Variants in SHANK2 observed in about 807,000 individuals in gnomAD.
The protein encoded by SHANK2 is SH3 and multiple ankyrin repeat domains protein 2.
Under a neutral mutation model 133.7 loss-of-function variants are expected in SHANK2, and 43 were observed. The ratio of observed to expected loss-of-function variants is 0.32; its 90% CI spans 0.25 to 0.41. The LOEUF is 0.41. Ranked by LOEUF, SHANK2 falls within the 10% of genes least tolerant of loss-of-function variation. The probability of loss-of-function intolerance (pLI) is 1.00; values close to 1 mark genes in which losing one functional copy is unlikely to be tolerated. For missense variants in SHANK2, 1,994 were observed against 2,235.8 expected (o/e 0.89, Z 2.18); for synonymous variants, 1,017 against 952.8 (o/e 1.07, Z -1.24).
chr11:70,736,063 T>G (rs1946397817), intron 14 of SHANK2, among the ~76,000 whole-genome samples: 1 of 150,780 alleles, frequency 6.6e-6, no homozygotes, highest in Non-Finnish European at 1.5e-5. Flanking sequence ...ATGGGCAAAC[T>G]AGATCCAAGC....
intron 2 of SHANK2, among the ~76,000 whole-genome samples, chr11:71,167,990 G>T (rs12270805): frequency 1.3e-5 from 1 of 77,334 alleles, no homozygotes; most frequent in Non-Finnish European, 2.7e-5. Flanking sequence ...TTCCCAGACG[G>T]GGTGGCTGCT....
intron 10 of SHANK2, among the ~76,000 whole-genome samples, chr11:70,917,641 T>TGGTACATATA (rs1950287796): frequency 6.6e-6 from 1 of 152,208 alleles, no homozygotes. Context: ...CAAGAAAATG[T>TGGTACATATA]GGTACATATA....
intron 9 of SHANK2, among the ~76,000 whole-genome samples, chr11:71,057,655 T>A (rs1318354015): frequency 6.6e-6 from 1 of 152,028 alleles, no homozygotes; most frequent in Non-Finnish European, 1.5e-5. Context: ...GCTCAGGCAA[T>A]TCTCCCCACC....
intron 11 of SHANK2, among the ~76,000 whole-genome samples, chr11:70,855,993 A>AGATG (rs1555066755): frequency 6.6e-6 from 1 of 152,066 alleles, no homozygotes; most frequent in Non-Finnish European, 1.5e-5. Context: ...ATGAATGGAT[A>AGATG]GATGGATGGA....
intron 3 of SHANK2, among the ~76,000 whole-genome samples, chr11:71,122,299 T>C (rs1384493063): frequency 6.6e-6 from 1 of 152,176 alleles, no homozygotes; most frequent in East Asian, 1.9e-4. Context: ...ATATACACCA[T>C]GGAATACTAT....
intron 13 of SHANK2, among the ~76,000 whole-genome samples, chr11:70,800,232 C>T (rs910392621): frequency 6.6e-6 from 1 of 152,198 alleles, no homozygotes; most frequent in East Asian, 1.9e-4. Flanking sequence ...CACTATGTTG[C>T]CCAGGCTGGT....
intron 17 of SHANK2, among the ~76,000 whole-genome samples, chr11:70,606,262 C>T (rs2060575228): frequency 6.6e-6 from 1 of 152,122 alleles, no homozygotes; most frequent in Non-Finnish European, 1.5e-5. Context: ...CTTTAAAGAT[C>T]CTAGCATGAA....
intron 17 of SHANK2, among the ~76,000 whole-genome samples, chr11:70,638,874 G>A (rs1318682919): frequency 1.3e-5 from 2 of 152,116 alleles, no homozygotes; most frequent in African/African-American, 4.8e-5. Context: ...GCAGGTACCT[G>A]TAATCCCAGC....
intron 2 of SHANK2, among the ~76,000 whole-genome samples, chr11:71,220,316 C>T (rs1954509918): frequency 6.6e-6 from 1 of 152,130 alleles, no homozygotes; most frequent in Non-Finnish European, 1.5e-5. Flanking sequence ...AACCTTTGAG[C>T]CTTGCTGGTG....
At chr11:70,918,313 T>C (rs1555080190) in intron 10 of SHANK2, among the ~76,000 whole-genome samples, 1 of 152,190 alleles carries the variant, frequency 6.6e-6, no homozygotes, top group African/African-American at 2.4e-5. Context: ...GTCAGACGTG[T>C]ACCCTCTCCA....
At chr11:70,518,230 T>C (rs1421236554) in intron 17 of SHANK2, among the ~76,000 whole-genome samples, 2 of 152,126 alleles carry the variant, frequency 1.3e-5, no homozygotes, top group African/African-American at 4.8e-5. Context: ...ATGCTTTCTA[T>C]GAAAAGACAG....
chr11:71,211,192 CTT>C (rs34505384), intron 2 of SHANK2, among the ~76,000 whole-genome samples: 254 of 101,948 alleles, frequency 2.5e-3, no homozygotes, highest in African/African-American at 5.8e-3. Context: ...GGTCAATTTC[CTT>C]TTTTTTTTTT....
At chr11:70,559,409 C>A (rs1283339508) in intron 17 of SHANK2, among the ~76,000 whole-genome samples, 2 of 152,206 alleles carry the variant, frequency 1.3e-5, no homozygotes, top group Non-Finnish European at 1.5e-5. Flanking sequence ...CACCACGCTT[C>A]TTTTTCTCAC....
chr11:70,579,361 T>C (rs1212671125), intron 17 of SHANK2, among the ~76,000 whole-genome samples: 1 of 152,236 alleles, frequency 6.6e-6, no homozygotes, highest in East Asian at 1.9e-4. Context: ...GACAGGACAA[T>C]GGTGGCTGCC....
At chr11:70,582,191 C>G (rs1028226203) in intron 17 of SHANK2, among the ~76,000 whole-genome samples, 1 of 152,240 alleles carries the variant, frequency 6.6e-6, no homozygotes, top group South Asian at 2.1e-4. Flanking sequence ...AGAGGGGCTC[C>G]ACCCCAGGGG....
At chr11:70,580,322 G>A (rs2060167593) in intron 17 of SHANK2, among the ~76,000 whole-genome samples, 1 of 152,220 alleles carries the variant, frequency 6.6e-6, no homozygotes, top group Admixed American at 6.5e-5. Context: ...GAGCCACAAG[G>A]TGAGAGCTCA....
At position 71,092,570 on chromosome 11, in the gene SHANK2, G is replaced by A. The variant is rs372862711; in HGVS notation, c.764C>T (p.Ala255Val). 671 of 1,551,968 alleles carry A rather than the reference G, an allele frequency of 4.3e-4. 1 individual carries two copies. The highest frequency in any genetic ancestry group is 5.6e-4 in the Non-Finnish European group (646 of 1,147,072). ...VALKTLLELG[A>V]SPDYKDSYGL... ...GTAACTGTCTTTATAATCTGGGGAT[G>A]CACCAAGCTCTAAAAGGGTCTAGGA... is the stretch of plus-strand genomic sequence containing the variant. The change falls in exon 8 of 26, where the codon GCA becomes GTA. Residue 255 changes from alanine (A) to valine (V), a missense_variant. Transcript: ENST00000601538.
chr11:70,788,025 T>C (rs1246520713), intron 14 of SHANK2, among the ~76,000 whole-genome samples: 1 of 152,158 alleles, frequency 6.6e-6, no homozygotes, highest in Non-Finnish European at 1.5e-5. Context: ...TGGAACTGTG[T>C]GCTCTGAAAA....
At chr11:71,246,854 C>G (rs1954967703) in intron 1 of SHANK2, among the ~76,000 whole-genome samples, 2 of 152,192 alleles carry the variant, frequency 1.3e-5, no homozygotes, top group South Asian at 2.1e-4. Flanking sequence ...CCTTCTCACT[C>G]AGAGAGGCAG....
Sources: allele counts gnomAD v4.1 joint callset (sites outside exome capture counted in the v4.1 genomes callset), GRCh38; gene constraint gnomAD v4.1.1; transcripts MANE v1.5; gene names NCBI Gene and HGNC (gene_info 2026-07-23, HGNC 2026-07-21).